The following SOX5 variants were observed in gnomAD, a reference collection of about 807,000 sequenced individuals.
SOX5 encodes the protein transcription factor SOX-5.
Under a neutral mutation model 92.0 loss-of-function variants are expected in SOX5, and 9 were observed. The ratio of observed to expected loss-of-function variants is 0.10; its 90% CI spans 0.06 to 0.17. SOX5 has a LOEUF of 0.17. SOX5 is among the 10% of genes least tolerant of loss of function. The pLI, the probability that SOX5 is intolerant of heterozygous loss-of-function variation, is 1.00. For synonymous variants in SOX5, 344 were observed against 336.3 expected (o/e 1.02, Z -0.25); for missense variants, 642 against 944.5 (o/e 0.68, Z 4.20).
At chr12:24,253,764 G>A (rs1157269304) in intron 3 of SOX5, among the ~76,000 whole-genome samples, 1 of 152,164 alleles carries the variant, frequency 6.6e-6, no homozygotes, top group Non-Finnish European at 1.5e-5. Flanking sequence ...AAAGGATGGC[G>A]TTAGGTTTCC....
chr12:24,323,195 T>C (rs960042901), intron 2 of SOX5, among the ~76,000 whole-genome samples: 2 of 151,976 alleles, frequency 1.3e-5, no homozygotes, highest in African/African-American at 2.4e-5. Context: ...ACCATTGTGG[T>C]AAGGCAATGT....
Position 23,588,429 on chromosome 12 carries a change from C to G in SOX5, c.1165-12591G>C, listed in dbSNP as rs965691989. Among the ~76,000 whole-genome samples the G allele has an allele frequency of 3.3e-5, 5 of 151,832 alleles. No individual in the cohort carries two copies. The South Asian group carries it at 1.0e-3, about 31-fold the overall frequency. ...TCAGATATTCATTTAAGAAATAGTC[C>G]ATTAAAATAATTAATGTGTAGTGAA... On this transcript the variant is annotated intron_variant, in intron 9 of 14. Transcript: ENST00000451604.
chr12:24,554,385 G>T (rs1283029840), intron 1 of SOX5, among the ~76,000 whole-genome samples: 1 of 152,130 alleles, frequency 6.6e-6, no homozygotes, highest in Non-Finnish European at 1.5e-5. Context: ...TCTCACAAAC[G>T]TAAGTTTGTC....
rs1320932526 is a variant in SOX5, at chr12:24,171,125, G to A, written c.-2+42218C>T. On this transcript the variant is annotated intron_variant, in intron 4 of 4. Transcript: ENST00000446891. ...TATTTTACTCTAAGCCTTTCCCTCT[G>A]CTCCCAAGATCTATTTTTTTTTTTT... is the stretch of plus-strand genomic sequence containing the variant. Among the ~76,000 whole-genome samples, 5 of 123,070 alleles carry A rather than the reference G, an allele frequency of 4.1e-5. No individual in the cohort carries two copies. The South Asian group carries it at 1.4e-3, about 35-fold the overall frequency. The allele number at this position is 123,070 out of a possible 152,430, so 80.7% of individuals were successfully genotyped here.
intron 3 of SOX5, among the ~76,000 whole-genome samples, chr12:24,244,785 T>A (rs1879779): frequency 8.5e-5 from 13 of 152,300 alleles, no homozygotes. Context: ...CTCCGCCTCC[T>A]GAGTTCAAGC....
At chr12:23,575,931 AAATTACTCTACC>A in intron 9 of SOX5, 93 bp from the exon 10 acceptor site, 1 of 899,774 alleles carries the variant, frequency 1.1e-6, no homozygotes. Context: ...ATTTCCCATC[AAATTACTCTACC>A]AATCAGTGAT....
intron 3 of SOX5, among the ~76,000 whole-genome samples, chr12:24,262,231 TGG>T (rs879686025): frequency 4.2e-4 from 64 of 152,178 alleles, no homozygotes; most frequent in Non-Finnish European, 6.5e-4. Flanking sequence ...ATGAGTTGTA[TGG>T]GACTCTTTCT....
chr12:23,960,530 C>T (rs5016074), intron 4 of SOX5, among the ~76,000 whole-genome samples: 2,191 of 137,050 alleles, frequency 0.016, 23 homozygotes, highest in African/African-American at 0.023. Context: ...TATATATATA[C>T]ATATATATAT....
chr12:23,701,340 T>C lies in SOX5; in HGVS notation c.810+33344A>G, dbSNP rs547857593. ...CTTTTCTTAAGAGAAATTGGAATTC[T>C]GAGGTTTCTTGAAATTTTTTTTTTA... On this transcript the variant is annotated intron_variant, in intron 6 of 14. Transcript: ENST00000451604. Among the ~76,000 whole-genome samples, 13 of 151,612 alleles carry C rather than the reference T, an allele frequency of 8.6e-5. 1 individual carries two copies. The South Asian group carries it at 2.7e-3, about 31-fold the overall frequency.
chr12:23,629,540 A>T (rs1402224405), intron 8 of SOX5, among the ~76,000 whole-genome samples: 5 of 152,068 alleles, frequency 3.3e-5, no homozygotes, highest in African/African-American at 1.2e-4. Context: ...AGAAATCTTT[A>T]ACTCAAACAA....
intron 1 of SOX5, among the ~76,000 whole-genome samples, chr12:23,941,828 T>C (rs977236890): frequency 4.6e-5 from 7 of 151,384 alleles, no homozygotes; most frequent in African/African-American, 7.3e-5. Flanking sequence ...ATCTCCAACA[T>C]AGACCTCTTA....
intron 4 of SOX5, among the ~76,000 whole-genome samples, chr12:24,085,956 T>TAAA (rs144400872): frequency 7.2e-6 from 1 of 138,476 alleles, no homozygotes; most frequent in African/African-American, 2.7e-5. Context: ...ACGGATATGC[T>TAAA]AAAAAAAAAA....
intron 4 of SOX5, among the ~76,000 whole-genome samples, chr12:24,132,586 C>G (rs1387237761): frequency 6.6e-6 from 1 of 152,100 alleles, no homozygotes; most frequent in African/African-American, 2.4e-5. Flanking sequence ...TATCCGTATA[C>G]TTGGGTTAGA....
chr12:23,680,535 T>C (rs1055634375), intron 6 of SOX5, among the ~76,000 whole-genome samples: 1 of 151,622 alleles, frequency 6.6e-6, no homozygotes, highest in Non-Finnish European at 1.5e-5. Context: ...GTTTAACAAA[T>C]GCTTGGTCAA....
At chr12:23,949,734 CT>C, upstream of SOX5, 61 of 678,362 alleles carry the variant, frequency 9.0e-5, 1 homozygote, top group Non-Finnish European at 1.2e-4. Flanking sequence ...CTCCCTCCCT[CT>C]CTCTCTCTCT....
chr12:23,787,513 C>A (rs1238451349), intron 3 of SOX5, among the ~76,000 whole-genome samples: 1 of 151,876 alleles, frequency 6.6e-6, no homozygotes, highest in Non-Finnish European at 1.5e-5. Flanking sequence ...TTCTTCGATC[C>A]AAAATTTGCA....
chr12:23,709,067 A>T (rs1181648653), intron 6 of SOX5, among the ~76,000 whole-genome samples: 1 of 129,846 alleles, frequency 7.7e-6, no homozygotes, highest in Non-Finnish European at 1.8e-5. Flanking sequence ...GGTTAGGGAC[A>T]AACAAAATGG....
intron 4 of SOX5, among the ~76,000 whole-genome samples, chr12:24,207,354 G>A (rs1478342479): frequency 2.6e-5 from 4 of 151,888 alleles, no homozygotes; most frequent in African/African-American, 4.8e-5. Flanking sequence ...GAACAATATC[G>A]CCACGTTCAA....
intron 11 of SOX5, among the ~76,000 whole-genome samples, chr12:23,561,977 C>G (rs114718423): frequency 2.5e-3 from 383 of 152,248 alleles, no homozygotes; most frequent in African/African-American, 8.7e-3. Context: ...AAACTCATTT[C>G]TACGTGGGGA....
Sources: allele counts gnomAD v4.1 joint callset (sites outside exome capture counted in the v4.1 genomes callset), GRCh38; gene constraint gnomAD v4.1.1; transcripts MANE v1.5; gene names NCBI Gene and HGNC (gene_info 2026-07-23, HGNC 2026-07-21).